SAMMSON: variants seen among roughly 807,000 people sequenced by gnomAD.
SAMMSON encodes survival associated mitochondrial melanoma specific oncogenic non-coding RNA.
chr3:70,285,834 T>G (rs1702156596), intron 6 of SAMMSON, among the ~76,000 whole-genome samples: 1 of 152,148 alleles, frequency 6.6e-6, no homozygotes, highest in Non-Finnish European at 1.5e-5. Context: ...AATCATGTGT[T>G]TTTTGGCTGC....
chr3:70,000,972 G>A (rs1335440670), intron 1 of SAMMSON, among the ~76,000 whole-genome samples: 1 of 152,118 alleles, frequency 6.6e-6, no homozygotes, highest in African/African-American at 2.4e-5. Context: ...TGGAGAAGCT[G>A]TGTTGCCATG....
intron 4 of SAMMSON, chr3:70,120,279 A>G (rs1160280291): frequency 2.6e-5 from 4 of 152,250 alleles, no homozygotes; most frequent in Admixed American, 2.0e-4. Context: ...TGAGGAGTTC[A>G]GAATGGAACC....
rs73108511 is a variant in SAMMSON, at chr3:70,359,480, G to A, written n.913+1156G>A. 4.1e-3 allele frequency among the ~76,000 whole-genome samples: 624 copies of A among 152,188 alleles called. 2 individuals carry two copies. Among genetic ancestry groups the A allele is most frequent in the Non-Finnish European group, 5.7e-3 (385 of 68,004 alleles). ...AAAAGTTATATCTAATGTTAAATGAGGTGGTTAGAAAAGCTCCACAAAAAA... is the reference window on the plus strand; with the variant it reads ...AAAAGTTATATCTAATGTTAAATGAAGTGGTTAGAAAAGCTCCACAAAAAA... On this transcript the variant is annotated intron_variant and non_coding_transcript_variant, in intron 9 of 9. Coordinates refer to ENST00000642114, the Ensembl canonical transcript of SAMMSON.
chr3:70,237,977 A>ATATTTTTTTTT (rs1251005797), intron 4 of SAMMSON, among the ~76,000 whole-genome samples: 3 of 13,008 alleles, frequency 2.3e-4, no homozygotes, highest in African/African-American at 4.9e-4. Context: ...ATTGAGTGGT[A>ATATTTTTTTTT]TCTTTTTTTT....
rs897589162 is a variant in SAMMSON, at chr3:70,398,690, C to G, written n.233+40366C>G. On this transcript the variant is annotated intron_variant and non_coding_transcript_variant, in intron 2 of 3. Coordinates refer to the SAMMSON transcript ENST00000641053. Reference sequence around the variant, plus strand: ...CTAAAGATGTCCTGTAAATTTTGTACTTCATCCCTCCAAATTTGACTTTCA... The same window carrying G: ...CTAAAGATGTCCTGTAAATTTTGTAGTTCATCCCTCCAAATTTGACTTTCA... 2.0e-5 allele frequency among the ~76,000 whole-genome samples: 3 copies of G among 152,124 alleles called. No individual in the cohort carries two copies. The South Asian group carries it at 6.2e-4, about 32-fold the overall frequency.
At chr3:70,263,837 G>T (rs1701890229) in intron 6 of SAMMSON, among the ~76,000 whole-genome samples, 1 of 152,090 alleles carries the variant, frequency 6.6e-6, no homozygotes, top group Non-Finnish European at 1.5e-5. Context: ...CTCCTAGGCA[G>T]AAGGTCTGGG....
At chr3:70,137,760 G>A (rs1401603231) in intron 4 of SAMMSON, 1 of 152,042 alleles carries the variant, frequency 6.6e-6, no homozygotes, top group Non-Finnish European at 1.5e-5. Context: ...ATTTCAGCAT[G>A]TACTTAATAT....
chr3:70,353,787 A>G (rs1026239666), intron 7 of SAMMSON, among the ~76,000 whole-genome samples: 2 of 152,232 alleles, frequency 1.3e-5, no homozygotes, highest in African/African-American at 2.4e-5. Flanking sequence ...TAGCAGCTTC[A>G]TTCATAATAA....
chr3:70,039,474 G>A (rs1186815255), intron 3 of SAMMSON, among the ~76,000 whole-genome samples: 1 of 151,960 alleles, frequency 6.6e-6, no homozygotes, highest in African/African-American at 2.4e-5. Context: ...GACTGCCTTT[G>A]AACTTTATCT....
chr3:70,353,862 T>C (rs950082149), intron 7 of SAMMSON, among the ~76,000 whole-genome samples: 2 of 152,184 alleles, frequency 1.3e-5, no homozygotes, highest in African/African-American at 2.4e-5. Context: ...CTGTGGTACA[T>C]CTATTCCCTG....
intron 1 of SAMMSON, among the ~76,000 whole-genome samples, chr3:70,007,655 A>T (rs2066933949): frequency 6.6e-6 from 1 of 151,366 alleles, no homozygotes; most frequent in South Asian, 2.1e-4. Flanking sequence ...GTTTAATTAG[A>T]TCCCATTTGT....
intron 4 of SAMMSON, among the ~76,000 whole-genome samples, chr3:70,138,459 T>TC (rs2106678981): frequency 6.6e-6 from 1 of 152,180 alleles, no homozygotes; most frequent in South Asian, 2.1e-4. Context: ...CTAGAGGCTT[T>TC]TTTTGTAATC....
At chr3:70,397,924 T>G (rs1701105496) in intron 2 of SAMMSON, among the ~76,000 whole-genome samples, 1 of 152,212 alleles carries the variant, frequency 6.6e-6, no homozygotes, top group African/African-American at 2.4e-5. Flanking sequence ...TCTGACTGTC[T>G]TAGCTTTTCT....
At chr3:70,307,397 G>A (rs909061201) in intron 7 of SAMMSON, among the ~76,000 whole-genome samples, 7 of 152,044 alleles carry the variant, frequency 4.6e-5, no homozygotes, top group African/African-American at 1.7e-4. Context: ...TCATCTTGAT[G>A]TTTCTCTTCC....
At chr3:70,010,903 C>G (rs928103258) in intron 1 of SAMMSON, among the ~76,000 whole-genome samples, 1 of 152,048 alleles carries the variant, frequency 6.6e-6, no homozygotes, top group Non-Finnish European at 1.5e-5. Context: ...TCTCGTGAGA[C>G]TCACTGACTA....
At chr3:70,428,516 A>G (rs1053651172) in intron 2 of SAMMSON, among the ~76,000 whole-genome samples, 2 of 152,212 alleles carry the variant, frequency 1.3e-5, no homozygotes, top group South Asian at 2.1e-4. Flanking sequence ...AAACAATGGG[A>G]TATCTATATA....
At chr3:70,311,806 C>T (rs1427823774) in intron 7 of SAMMSON, 2 of 393,806 alleles carry the variant, frequency 5.1e-6, no homozygotes, top group African/African-American at 4.1e-5. Context: ...ACAATTTCCT[C>T]CTTCTCCCAC....
chr3:70,187,731 C>T lies in SAMMSON; in HGVS notation n.508-61376C>T, dbSNP rs975107587. Among the ~76,000 whole-genome samples, 4 of 151,876 alleles carry T rather than the reference C, an allele frequency of 2.6e-5. 1 individual carries two copies. The South Asian group carries it at 8.3e-4, about 32-fold the overall frequency. Reference sequence around the variant, plus strand: ...GATTACAGGCCTGAGCCACCGCGCCCGGCCGGGACCAACTCTTTCTCAGGC... The same window carrying T: ...GATTACAGGCCTGAGCCACCGCGCCTGGCCGGGACCAACTCTTTCTCAGGC... On this transcript the variant is annotated intron_variant and non_coding_transcript_variant, in intron 4 of 9. Coordinates refer to ENST00000642114, the Ensembl canonical transcript of SAMMSON.
intron 3 of SAMMSON, among the ~76,000 whole-genome samples, chr3:70,043,120 T>G (rs1218653690): frequency 6.6e-6 from 1 of 152,016 alleles, no homozygotes; most frequent in East Asian, 1.9e-4. Flanking sequence ...AAGTAATGAG[T>G]TTTGATCATA....
Sources: allele counts gnomAD v4.1 joint callset (sites outside exome capture counted in the v4.1 genomes callset), GRCh38; gene constraint gnomAD v4.1.1; transcripts MANE v1.5; gene names NCBI Gene and HGNC (gene_info 2026-07-23, HGNC 2026-07-21).